Variants in AGBL4 observed in about 807,000 individuals in gnomAD.
AGBL4 encodes the protein cytosolic carboxypeptidase 6.
Under a neutral mutation model 66.4 loss-of-function variants are expected in AGBL4, and 58 were observed. The observed-to-expected ratio is 0.87, with a 90% confidence interval of 0.71 to 1.09. The LOEUF is 1.09. Among genes scored for constraint, AGBL4 ranks in the 50% least tolerant of loss-of-function variants. The probability of loss-of-function intolerance (pLI) is 0.00; values close to 1 mark genes in which losing one functional copy is unlikely to be tolerated. For synonymous variants in AGBL4, 234 were observed against 222.9 expected (o/e 1.05, Z -0.44); for missense variants, 579 against 631.0 (o/e 0.92, Z 0.88).
intron 5 of AGBL4, among the ~76,000 whole-genome samples, chr1:49,014,151 G>A (rs778261743): frequency 9.9e-5 from 15 of 152,124 alleles, no homozygotes; most frequent in Non-Finnish European, 1.6e-4. Context: ...GGACTGGACT[G>A]AGCTGTATAA....
intron 3 of AGBL4, among the ~76,000 whole-genome samples, chr1:49,480,683 T>C: frequency 6.6e-6 from 1 of 152,128 alleles, no homozygotes; most frequent in East Asian, 1.9e-4. Flanking sequence ...TTGTAATTCC[T>C]TTGGTGTCTT....
chr1:48,861,292 A>G (rs1319181168), intron 6 of AGBL4, among the ~76,000 whole-genome samples: 3 of 152,188 alleles, frequency 2.0e-5, no homozygotes, highest in African/African-American at 4.8e-5. Context: ...CATTTGTCCA[A>G]TAGAAATTGT....
intron 2 of AGBL4, among the ~76,000 whole-genome samples, chr1:49,712,911 C>A (rs1647781853): frequency 1.3e-5 from 2 of 151,804 alleles, no homozygotes. Flanking sequence ...ACAACTTGAC[C>A]TAAAAGCATG....
At chr1:49,595,901 G>C (rs1370035211) in intron 3 of AGBL4, among the ~76,000 whole-genome samples, 2 of 152,094 alleles carry the variant, frequency 1.3e-5, no homozygotes, top group Non-Finnish European at 2.9e-5. Context: ...GCTCAGCCTA[G>C]GAGCACTTAA....
chr1:49,028,360 C>A (rs923765956), intron 5 of AGBL4, among the ~76,000 whole-genome samples: 1 of 152,198 alleles, frequency 6.6e-6, no homozygotes, highest in South Asian at 2.1e-4. Flanking sequence ...AATCAGCTAG[C>A]GATTAATACA....
intron 3 of AGBL4, among the ~76,000 whole-genome samples, chr1:49,494,252 A>G (rs1320147500): frequency 6.6e-6 from 1 of 151,896 alleles, no homozygotes; most frequent in Admixed American, 6.6e-5. Context: ...TTCATCATTA[A>G]TATGGTGAAT....
chr1:49,261,513 T>C lies in AGBL4; in HGVS notation c.283-15649A>G, dbSNP rs1318111041. 5.4e-5 allele frequency among the ~76,000 whole-genome samples: 8 copies of C among 148,982 alleles called. No homozygotes were observed. In the East Asian group the frequency reaches 1.4e-3, roughly 26 times the overall value. ...AATCACAAGCATTCTTATACACCAATAACAGACAAACAGAGAGCCAAATCA... is the reference window on the plus strand; with the variant it reads ...AATCACAAGCATTCTTATACACCAACAACAGACAAACAGAGAGCCAAATCA... On this transcript the variant is annotated intron_variant, in intron 3 of 13. Coordinates refer to ENST00000371839, the MANE Select transcript of AGBL4 (RefSeq NM_032785.4).
intron 11 of AGBL4, among the ~76,000 whole-genome samples, chr1:48,572,250 T>C (rs1343278339): frequency 6.6e-6 from 1 of 152,060 alleles, no homozygotes; most frequent in African/African-American, 2.4e-5. Flanking sequence ...TCAGTTAAGG[T>C]GTCAGAGCAC....
At chr1:48,534,573 A>G (rs977348933) in intron 13 of AGBL4, among the ~76,000 whole-genome samples, 3 of 152,170 alleles carry the variant, frequency 2.0e-5, no homozygotes, top group Non-Finnish European at 4.4e-5. Flanking sequence ...AAATATGAGA[A>G]TCTCTTGAAC....
intron 5 of AGBL4, among the ~76,000 whole-genome samples, chr1:48,994,167 T>C (rs1660829733): frequency 6.6e-6 from 1 of 152,192 alleles, no homozygotes; most frequent in Non-Finnish European, 1.5e-5. Context: ...ACAGTGTACA[T>C]TAACTCATAG....
chr1:49,526,015 C>A (rs567481446), intron 3 of AGBL4, among the ~76,000 whole-genome samples: 1 of 151,808 alleles, frequency 6.6e-6, no homozygotes, highest in Non-Finnish European at 1.5e-5. Context: ...TGGCGTGAAC[C>A]CTGGGAGGTG....
chr1:49,936,768 C>A (rs949568216), intron 1 of AGBL4, among the ~76,000 whole-genome samples: 10 of 152,032 alleles, frequency 6.6e-5, no homozygotes, highest in South Asian at 4.2e-4. Flanking sequence ...GAAATAAAAT[C>A]CTTTACAGAC....
chr1:49,750,053 C>T (rs554565041), intron 2 of AGBL4, among the ~76,000 whole-genome samples: 4 of 152,016 alleles, frequency 2.6e-5, no homozygotes, highest in Non-Finnish European at 5.9e-5. Flanking sequence ...GAAAATAAGT[C>T]TTTTTAATAA....
At chr1:49,942,552 C>T (rs1317447347) in intron 1 of AGBL4, among the ~76,000 whole-genome samples, 1 of 152,008 alleles carries the variant, frequency 6.6e-6, no homozygotes, top group African/African-American at 2.4e-5. Flanking sequence ...AACTGATGTT[C>T]AACAAAGGTG....
intron 5 of AGBL4, among the ~76,000 whole-genome samples, chr1:49,007,577 A>G (rs1056175666): frequency 6.6e-6 from 1 of 151,654 alleles, no homozygotes; most frequent in Non-Finnish European, 1.5e-5. Context: ...CATAATTGTC[A>G]GATTCACCAA....
At chr1:48,828,993 G>A (rs140891963) in intron 6 of AGBL4, among the ~76,000 whole-genome samples, 1 of 152,086 alleles carries the variant, frequency 6.6e-6, no homozygotes, top group Non-Finnish European at 1.5e-5. Flanking sequence ...CAAAATAAAG[G>A]GTTGTTGAGA....
At chr1:49,081,298 T>C (rs1644804594) in intron 4 of AGBL4, among the ~76,000 whole-genome samples, 1 of 151,888 alleles carries the variant, frequency 6.6e-6, no homozygotes, top group Admixed American at 6.6e-5. Flanking sequence ...GCTCCTGGAG[T>C]CAGACATACA....
chr1:49,832,422 G>A (rs1237856670), intron 2 of AGBL4, among the ~76,000 whole-genome samples: 1 of 150,234 alleles, frequency 6.7e-6, no homozygotes, highest in Non-Finnish European at 1.5e-5. Context: ...TTGGTTCCAA[G>A]TCTTTGCTAT....
chr1:49,160,802 T>C (rs976690405), intron 4 of AGBL4, among the ~76,000 whole-genome samples: 48 of 152,258 alleles, frequency 3.2e-4, no homozygotes, highest in African/African-American at 1.1e-3. Context: ...TGCTGACCTG[T>C]GGTGGGCTCC....
Sources: allele counts gnomAD v4.1 joint callset (sites outside exome capture counted in the v4.1 genomes callset), GRCh38; gene constraint gnomAD v4.1.1; transcripts MANE v1.5; gene names NCBI Gene and HGNC (gene_info 2026-07-23, HGNC 2026-07-21).